The following TBL1XR1 variants were observed in gnomAD, a reference collection of about 807,000 sequenced individuals.
TBL1XR1 encodes the protein TBL1X/Y related 1.
Under a neutral mutation model 66.9 loss-of-function variants are expected in TBL1XR1, and 5 were observed. The ratio of observed to expected loss-of-function variants is 0.07; its 90% CI spans 0.04 to 0.16. TBL1XR1 has a LOEUF of 0.16. TBL1XR1 is among the 10% of genes least tolerant of loss of function. The probability of loss-of-function intolerance (pLI) is 1.00; values close to 1 mark genes in which losing one functional copy is unlikely to be tolerated. For synonymous variants in TBL1XR1, 210 were observed against 206.0 expected (o/e 1.02, Z -0.17); for missense variants, 238 against 623.2 (o/e 0.38, Z 6.58).
intron 1 of TBL1XR1, among the ~76,000 whole-genome samples, chr3:177,107,809 T>C (rs1725067213): frequency 6.6e-6 from 1 of 152,136 alleles, no homozygotes; most frequent in African/African-American, 2.4e-5. Flanking sequence ...AAACACCAAC[T>C]GAGATTATCT....
intron 1 of TBL1XR1, among the ~76,000 whole-genome samples, chr3:177,178,329 C>T (rs1489240308): frequency 6.6e-6 from 1 of 151,938 alleles, no homozygotes; most frequent in Non-Finnish European, 1.5e-5. Flanking sequence ...AATATAGTAC[C>T]AGATTTTAAA....
At chr3:177,090,573 G>A (rs1722704563) in intron 2 of TBL1XR1, among the ~76,000 whole-genome samples, 1 of 145,266 alleles carries the variant, frequency 6.9e-6, no homozygotes, top group South Asian at 2.2e-4. Flanking sequence ...CCGTAATCAA[G>A]ACACTTTGGG....
At chr3:177,026,504 A>G (rs1576958792) in intron 14 of TBL1XR1, 30 bp from the exon 15 acceptor site, 1 of 1,458,122 alleles carries the variant, frequency 6.9e-7, no homozygotes. Flanking sequence ...AATCTTAAAA[A>G]TCGTAATACA....
chr3:177,052,125 T>A (rs959708937), intron 4 of TBL1XR1, among the ~76,000 whole-genome samples: 5 of 152,254 alleles, frequency 3.3e-5, no homozygotes, highest in Non-Finnish European at 5.9e-5. Context: ...TAAATACATC[T>A]TTTAAAAAAC....
At chr3:177,136,816 C>A (rs1034921464) in intron 1 of TBL1XR1, among the ~76,000 whole-genome samples, 4 of 152,168 alleles carry the variant, frequency 2.6e-5, no homozygotes, top group African/African-American at 9.7e-5. Flanking sequence ...GTCTTTTACT[C>A]TCTTCCCCCA....
At chr3:177,030,480 G>A (rs1713825168) in intron 14 of TBL1XR1, among the ~76,000 whole-genome samples, 1 of 152,020 alleles carries the variant, frequency 6.6e-6, no homozygotes, top group Non-Finnish European at 1.5e-5. Context: ...GAAAATAGTA[G>A]TATATATCAT....
intron 1 of TBL1XR1, among the ~76,000 whole-genome samples, chr3:177,109,768 T>A (rs889782585): frequency 1.3e-5 from 2 of 151,838 alleles, no homozygotes; most frequent in African/African-American, 4.8e-5. Flanking sequence ...GATTCAGAAG[T>A]TGGGGGGAAG....
intron 1 of TBL1XR1, among the ~76,000 whole-genome samples, chr3:177,128,375 T>A (rs1473518966): frequency 6.6e-6 from 1 of 152,266 alleles, no homozygotes; most frequent in Non-Finnish European, 1.5e-5. Flanking sequence ...AGAGCAAGCA[T>A]CTTTTCTGCT....
chr3:177,160,382 G>A (rs889610462), intron 1 of TBL1XR1, among the ~76,000 whole-genome samples: 2 of 151,902 alleles, frequency 1.3e-5, no homozygotes, highest in African/African-American at 2.4e-5. Flanking sequence ...GCCAAGGCAG[G>A]AGAATGGCGC....
intron 1 of TBL1XR1, among the ~76,000 whole-genome samples, chr3:177,181,463 G>A (rs1734809968): frequency 1.4e-5 from 2 of 139,986 alleles, no homozygotes; most frequent in African/African-American, 5.4e-5. Context: ...CTGAGTGACA[G>A]AGCCAGACTC....
In TBL1XR1 at chr3:177,180,382, C is replaced by G. The variant is rs942303125; in HGVS notation, c.-122+16739G>C. Among the ~76,000 whole-genome samples, 6 of 146,598 alleles carry G rather than the reference C, an allele frequency of 4.1e-5. 1 individual carries two copies. The highest frequency in any genetic ancestry group is 6.8e-5 in the Admixed American group (1 of 14,630). ...CATAAATACGTTCATTCCCCCCCCC[C>G]CCATTTAATAGTACCTTGTCTGTTT... is the stretch of plus-strand genomic sequence containing the variant. On this transcript the variant is annotated intron_variant, in intron 1 of 15. Coordinates refer to ENST00000457928, the MANE Select transcript of TBL1XR1 (RefSeq NM_024665.7).
chr3:177,121,042 T>C (rs1726921730), intron 1 of TBL1XR1, among the ~76,000 whole-genome samples: 1 of 152,208 alleles, frequency 6.6e-6, no homozygotes, highest in Non-Finnish European at 1.5e-5. Context: ...CATACTACAA[T>C]TCCTTTCTAA....
intron 1 of TBL1XR1, among the ~76,000 whole-genome samples, chr3:177,158,440 G>C (rs1357014983): frequency 6.6e-6 from 1 of 151,920 alleles, no homozygotes; most frequent in African/African-American, 2.4e-5. Flanking sequence ...TGTTGGCCAG[G>C]CTGGTCTCGA....
chr3:177,194,576 G>C (rs1025631659), intron 1 of TBL1XR1, among the ~76,000 whole-genome samples: 1 of 152,090 alleles, frequency 6.6e-6, no homozygotes, highest in Non-Finnish European at 1.5e-5. Flanking sequence ...AGATTCCTTT[G>C]TCAGCTACTC....
intron 10 of TBL1XR1, among the ~76,000 whole-genome samples, chr3:177,039,965 C>T (rs916087295): frequency 3.3e-5 from 5 of 152,168 alleles, no homozygotes; most frequent in Admixed American, 2.0e-4. Context: ...GTCTAAAATA[C>T]TTTCAAGTCC....
At chr3:177,066,318 A>G (rs1453644882) in intron 2 of TBL1XR1, among the ~76,000 whole-genome samples, 1 of 152,190 alleles carries the variant, frequency 6.6e-6, no homozygotes, top group Admixed American at 6.5e-5. Flanking sequence ...TAGTGGACAC[A>G]CACAGAAGAA....
chr3:177,143,431 A>C (rs1363151202), intron 1 of TBL1XR1, among the ~76,000 whole-genome samples: 2 of 152,248 alleles, frequency 1.3e-5, no homozygotes, highest in African/African-American at 2.4e-5. Context: ...AATTTATGTC[A>C]ACCACTTTAA....
intron 1 of TBL1XR1, among the ~76,000 whole-genome samples, chr3:177,127,303 GT>G (rs1001445618): frequency 2.0e-5 from 3 of 152,090 alleles, no homozygotes; most frequent in African/African-American, 7.2e-5. Flanking sequence ...CATCTTAAAA[GT>G]GTTTAAAATT....
chr3:177,056,118 A>G (rs1440162898), intron 3 of TBL1XR1, among the ~76,000 whole-genome samples: 1 of 152,206 alleles, frequency 6.6e-6, no homozygotes, highest in African/African-American at 2.4e-5. Flanking sequence ...AAGTGGTTGC[A>G]CAGTGCATGA....
Sources: gnomAD v4.1 joint callset for allele counts (sites outside exome capture counted in the v4.1 genomes callset) on GRCh38, gnomAD v4.1.1 for gene constraint, MANE v1.5 for transcripts, NCBI Gene and HGNC (gene_info 2026-07-23, HGNC 2026-07-21) for gene names.